The following CDC42SE2 variants were observed in gnomAD, a reference collection of about 807,000 sequenced individuals.
The protein encoded by CDC42SE2 is CDC42 small effector 2.
CDC42SE2 carries 3 observed loss-of-function variants against 11.5 expected under a neutral mutation model. The observed-to-expected ratio is 0.26, with a 90% CI of 0.12 to 0.67. CDC42SE2 has a LOEUF of 0.67. CDC42SE2 is among the 30% of genes least tolerant of loss of function. The pLI is 0.80. For missense variants in CDC42SE2, 82 were observed against 106.8 expected, an observed-to-expected ratio of 0.77 and a Z score of 1.02; for synonymous variants, 33 against 34.8, an observed-to-expected ratio of 0.95 and a Z score of 0.18.
intron 3 of CDC42SE2, among the ~76,000 whole-genome samples, chr5:131,368,107 G>A (rs943859614): frequency 3.3e-5 from 5 of 152,008 alleles, no homozygotes; most frequent in Admixed American, 6.6e-5. Flanking sequence ...CAAAAAAATA[G>A]CTGGGCGTGG....
intron 1 of CDC42SE2, among the ~76,000 whole-genome samples, chr5:131,269,053 A>AT (rs1255379311): frequency 6.6e-6 from 1 of 151,966 alleles, no homozygotes; most frequent in Non-Finnish European, 1.5e-5. Flanking sequence ...CAGGCGAGGA[A>AT]TTTAGCTTTT....
At chr5:131,354,459 A>T (rs991457470) in intron 2 of CDC42SE2, among the ~76,000 whole-genome samples, 1 of 152,156 alleles carries the variant, frequency 6.6e-6, no homozygotes, top group African/African-American at 2.4e-5. Flanking sequence ...CTTTAATTTT[A>T]TATGTATGTA....
chr5:131,284,315 C>CA (rs1406150053), intron 1 of CDC42SE2, among the ~76,000 whole-genome samples: 1 of 151,858 alleles, frequency 6.6e-6, no homozygotes, highest in Admixed American at 6.6e-5. Flanking sequence ...TAATTTTTAA[C>CA]AAAAAAGAGT....
chr5:131,358,645 G>A (rs1037569651), intron 2 of CDC42SE2, among the ~76,000 whole-genome samples: 66 of 152,114 alleles, frequency 4.3e-4, no homozygotes, highest in Non-Finnish European at 4.4e-5. Flanking sequence ...GGTGGGAGTG[G>A]TAGGGATCTA....
chr5:131,359,028 A>G (rs1749633693), intron 2 of CDC42SE2, among the ~76,000 whole-genome samples, 181 bp from the exon 3 acceptor site: 1 of 152,176 alleles, frequency 6.6e-6, no homozygotes, highest in South Asian at 2.1e-4. Context: ...TTACTACTAC[A>G]CCTAGAACTT....
At chr5:131,232,928 C>T in the CDC42SE2 span, among the ~76,000 whole-genome samples, 20 of 149,916 alleles carry the variant, frequency 1.3e-4, no homozygotes, top group Non-Finnish European at 2.5e-4. Flanking sequence ...CTAGGCTGCA[C>T]ACAGTAAAAA....
chr5:131,290,962 A>G (rs972568859), intron 1 of CDC42SE2, among the ~76,000 whole-genome samples: 1 of 152,204 alleles, frequency 6.6e-6, no homozygotes, highest in Non-Finnish European at 1.5e-5. Flanking sequence ...AGTTCAAGAT[A>G]AAAAAGGAAA....
At chr5:131,339,968 A>T (rs1253360662) in intron 2 of CDC42SE2, among the ~76,000 whole-genome samples, 1 of 152,214 alleles carries the variant, frequency 6.6e-6, no homozygotes, top group African/African-American at 2.4e-5. Context: ...AGAGCCAAGT[A>T]CGAAGACAAT....
At chr5:131,228,087 A>G in the CDC42SE2 span, among the ~76,000 whole-genome samples, 2 of 152,212 alleles carry the variant, frequency 1.3e-5, no homozygotes, top group Non-Finnish European at 2.9e-5. Flanking sequence ...TGCACCTGTA[A>G]TCCCAGCTAC....
At chr5:131,350,209 G>A (rs948549944) in intron 2 of CDC42SE2, among the ~76,000 whole-genome samples, 2 of 151,814 alleles carry the variant, frequency 1.3e-5, no homozygotes, top group African/African-American at 4.8e-5. Context: ...AACAAGAAAC[G>A]TATAATTTAG....
chr5:131,313,049 C>T (rs1000905416), intron 1 of CDC42SE2, among the ~76,000 whole-genome samples: 1 of 151,478 alleles, frequency 6.6e-6, no homozygotes, highest in African/African-American at 2.4e-5. Context: ...GTGGCGTGAT[C>T]TTGGCTCACT....
upstream of CDC42SE2, among the ~76,000 whole-genome samples, chr5:131,260,743 G>C (rs1445244854): frequency 2.0e-5 from 3 of 152,074 alleles, no homozygotes; most frequent in African/African-American, 7.2e-5. Flanking sequence ...AGACCAGCCT[G>C]GCCAACATGG....
At chr5:131,222,007 G>A in the CDC42SE2 span, among the ~76,000 whole-genome samples, 2 of 152,130 alleles carry the variant, frequency 1.3e-5, no homozygotes, top group South Asian at 2.1e-4. Flanking sequence ...TATAATTTTA[G>A]CATAATTAAA....
At chr5:131,289,546 G>A (rs753747475) in intron 1 of CDC42SE2, among the ~76,000 whole-genome samples, 55 of 151,938 alleles carry the variant, frequency 3.6e-4, no homozygotes, top group Non-Finnish European at 7.4e-4. Context: ...GGTGGCACGC[G>A]CCTGTAGTCC....
At chr5:131,247,798 A>T (rs1179662272) in intron 1 of CDC42SE2, among the ~76,000 whole-genome samples, 1 of 151,994 alleles carries the variant, frequency 6.6e-6, no homozygotes, top group Non-Finnish European at 1.5e-5. Context: ...CAACAAGCCC[A>T]GCTAATTTTT....
the CDC42SE2 span, among the ~76,000 whole-genome samples, chr5:131,219,706 A>T: frequency 3.9e-5 from 6 of 152,140 alleles, no homozygotes; most frequent in East Asian, 1.2e-3. Context: ...GGAGGAAGAG[A>T]CAGCCAAATC....
intron 2 of CDC42SE2, among the ~76,000 whole-genome samples, chr5:131,337,387 G>T (rs921495610): frequency 6.6e-6 from 1 of 152,206 alleles, no homozygotes; most frequent in African/African-American, 2.4e-5. Flanking sequence ...CTACTGGGGG[G>T]TGCCTCCCAG....
At chr5:131,298,054 G>A (rs1459297228) in intron 1 of CDC42SE2, among the ~76,000 whole-genome samples, 2 of 151,702 alleles carry the variant, frequency 1.3e-5, no homozygotes, top group Non-Finnish European at 1.5e-5. Context: ...TATGCTTCCT[G>A]TTAGAGTGGG....
intron 3 of CDC42SE2, among the ~76,000 whole-genome samples, chr5:131,363,694 T>C (rs1307779901): frequency 4.5e-5 from 6 of 133,472 alleles, no homozygotes; most frequent in Non-Finnish European, 7.9e-5. Flanking sequence ...TTTCTCTTAC[T>C]CTTTTTTTTT....
Sources: allele counts gnomAD v4.1 joint callset (sites outside exome capture counted in the v4.1 genomes callset), GRCh38; gene constraint gnomAD v4.1.1; transcripts MANE v1.5; gene names NCBI Gene and HGNC (gene_info 2026-07-23, HGNC 2026-07-21).